Variants in RAP1GAP observed in about 807,000 individuals in gnomAD.
RAP1GAP encodes the protein rap1 GTPase-activating protein 1.
RAP1GAP carries 35 observed loss-of-function variants against 87.2 expected under a neutral mutation model. That is an observed-to-expected ratio of 0.40 (90% confidence interval 0.31 to 0.53). The LOEUF (loss-of-function observed/expected upper bound fraction) is 0.53, where lower values mean the gene tolerates loss of function less well. Among genes scored for constraint, RAP1GAP ranks in the 20% least tolerant of loss-of-function variants. The pLI, the probability that RAP1GAP is intolerant of heterozygous loss-of-function variation, is 0.48. For missense variants in RAP1GAP, 734 were observed against 898.9 expected (o/e 0.82, Z 2.35); for synonymous variants, 375 against 363.9 (o/e 1.03, Z -0.35).
intron 1 of RAP1GAP, among the ~76,000 whole-genome samples, chr1:21,652,067 G>A (rs1216144117): frequency 6.6e-6 from 1 of 151,464 alleles, no homozygotes; most frequent in African/African-American, 2.4e-5. Flanking sequence ...AGCCGGGCGG[G>A]GATTGCGGGG....
chr1:21,651,616 G>A (rs781195387), intron 1 of RAP1GAP: 6 of 741,764 alleles, frequency 8.1e-6, no homozygotes, highest in African/African-American at 1.8e-5. Flanking sequence ...AGGCGCCACA[G>A]CACGACAGCC....
At chr1:21,643,013 AC>A (rs1361642526) in intron 2 of RAP1GAP, among the ~76,000 whole-genome samples, 1 of 151,648 alleles carries the variant, frequency 6.6e-6, no homozygotes, top group African/African-American at 2.4e-5. Flanking sequence ...GATCTCAGCA[AC>A]CCTCACATCT....
Position 21,648,932 on chromosome 1 carries a change from C to T in RAP1GAP, c.-113+829G>A, listed in dbSNP as rs565142375. On this transcript the variant is annotated intron_variant, in intron 2 of 24. Coordinates refer to ENST00000374765, the MANE Select transcript of RAP1GAP (RefSeq NM_002885.4). ...GGGGACGATGGTGCCAGATGGGAGT[C>T]GCCCAGCAGCTGGGGGGTACTGCAG... 5.3e-5 allele frequency among the ~76,000 whole-genome samples: 8 copies of T among 152,262 alleles called. No homozygotes were observed. The East Asian group carries it at 1.5e-3, about 29-fold the overall frequency.
rs1645261085 is a variant in RAP1GAP at position 21,596,473 on chromosome 1, G to T, written c.*826C>A. 6.6e-6 allele frequency: 1 copy of T among 152,404 alleles called. No individual in the cohort carries two copies. The highest frequency in any genetic ancestry group is 1.5e-5 in the Non-Finnish European group (1 of 68,162). 9.4% of individuals were successfully genotyped at this position (152,404 alleles called of 1,614,324 possible). A position where few individuals can be genotyped will look rare whatever the true frequency, so the allele number is the denominator to read the frequency against. ...GAGGGCCCAGCATGGGATGGCAGGG[G>T]TTAAGCTGGGTGCTGGCTGAGGAGC... On this transcript the variant is annotated 3_prime_UTR_variant, in exon 25 of 25. Transcript: ENST00000374765.
In RAP1GAP at chr1:21,622,748, C is replaced by G. The variant is rs1225147247; in HGVS notation, c.-18-2698G>C. Reference sequence around the variant, plus strand: ...TGCGTCGGGCTCCCCGAGGGGGCCCCCCACTCGGTTCTCCCCAGCGCGCCC... The same window carrying G: ...TGCGTCGGGCTCCCCGAGGGGGCCCGCCACTCGGTTCTCCCCAGCGCGCCC... On this transcript the variant is annotated intron_variant, in intron 3 of 24. Transcript: ENST00000374765. This position sits in a 1 kb window ranked among gnomAD's most constrained non-coding sequence, Gnocchi z 5.7. Among the ~76,000 whole-genome samples the G allele has an allele frequency of 1.3e-5, 2 of 151,870 alleles. No individual in the cohort carries two copies. The highest frequency in any genetic ancestry group is 4.8e-5 in the African/African-American group (2 of 41,404).
At chr1:21,625,916 C>T (rs919022456) in intron 3 of RAP1GAP, among the ~76,000 whole-genome samples, 4 of 152,162 alleles carry the variant, frequency 2.6e-5, no homozygotes, top group Non-Finnish European at 5.9e-5. Context: ...CCTGGGCCGC[C>T]CTGTCTGTAC....
chr1:21,603,273 C>T lies in RAP1GAP; in HGVS notation c.1429-360G>A, dbSNP rs2070682373. The T allele has an allele frequency of 5.0e-6, 2 of 396,562 alleles. No individual in the cohort carries two copies. The highest frequency in any genetic ancestry group is 9.0e-5 in the East Asian group (2 of 22,226). The allele number at this position is 396,562 out of a possible 1,614,324, so 24.6% of individuals were successfully genotyped here. ...CAGCCTAAGGGCAGTGGTCAGAGGG[C>T]AGTGTAGCAACCCAAGTCCCACCCC... On this transcript the variant is annotated intron_variant, in intron 18 of 24. Coordinates refer to ENST00000374765, the MANE Select transcript of RAP1GAP (RefSeq NM_002885.4). The surrounding 1 kb of genome is among the most constrained non-coding windows in gnomAD (Gnocchi z 6.0).
chr1:21,612,042 T>A lies in RAP1GAP; in HGVS notation c.596A>T (p.Tyr199Phe), dbSNP rs759618497. The change falls in exon 11 of 25, where the codon TAT becomes TTT. Residue 199 changes from tyrosine to phenylalanine, a missense_variant. Around this residue, in one of 2 missense-constraint regions of RAP1GAP, gnomAD observed 485 missense variants for 646.2 expected, o/e 0.75. Transcript: ENST00000374765. ...TGAGCACACCTGCCCAAGCTTCTGATAAATGACGCCAAACTTGAAGTTATT... is the reference window on the plus strand; with the variant it reads ...TGAGCACACCTGCCCAAGCTTCTGAAAAATGACGCCAAACTTGAAGTTATT... ...ISNNFKFGVI[Y>F]QKLGQTSEEE... 26 of 1,554,446 alleles carry A rather than the reference T, an allele frequency of 1.7e-5. No homozygotes were observed. Among genetic ancestry groups the A allele is most frequent in the Admixed American group, 9.8e-5 (5 of 51,266 alleles).
chr1:21,622,831 AGGGTT>A lies in RAP1GAP; in HGVS notation c.-18-2786_-18-2782del, dbSNP rs1429045044. On this transcript the variant is annotated intron_variant, in intron 3 of 24. Coordinates refer to ENST00000374765, the MANE Select transcript of RAP1GAP (RefSeq NM_002885.4). The surrounding 1 kb of genome is among the most constrained non-coding windows in gnomAD (Gnocchi z 5.7). ...GGTACCCCGCCTCGGCATCAAGGAC[AGGGTT>A]GGGTTACCTTGCAGACAGAGGGCTT... The A allele has an allele frequency of 6.6e-6, 1 of 152,078 alleles. No individual in the cohort carries two copies. The highest frequency in any genetic ancestry group is 1.5e-5 in the Non-Finnish European group (1 of 68,010). The allele number at this position is 152,078 out of a possible 1,614,324, so 9.4% of individuals were successfully genotyped here.
chr1:21,611,920 C>T (rs1002348855), intron 11 of RAP1GAP, 104 bp from the exon 12 acceptor site: 22 of 1,482,088 alleles, frequency 1.5e-5, no homozygotes, highest in African/African-American at 4.2e-5. Context: ...CCTCTGGCAG[C>T]CCCTGGGCTC....
At chr1:21,651,689 A>T in intron 1 of RAP1GAP, 1 of 940,012 alleles carries the variant, frequency 1.1e-6, no homozygotes, top group Non-Finnish European at 1.6e-6. Flanking sequence ...CCACCCGCCC[A>T]AACGCGAGCA....
chr1:21,599,364 C>T, intron 21 of RAP1GAP, 130 bp downstream of exon 21: 1 of 1,362,602 alleles, frequency 7.3e-7, no homozygotes, highest in Non-Finnish European at 9.9e-7. Context: ...CTGCACTGCT[C>T]CTTTGGGCCG....
chr1:21,610,008 T>C (rs2077231229), intron 14 of RAP1GAP, 112 bp downstream of exon 14: 4 of 1,321,244 alleles, frequency 3.0e-6, no homozygotes, highest in Non-Finnish European at 4.1e-6. Context: ...AAGCCTTCCA[T>C]GGTCCCCCCA....
chr1:21,605,071 G>T (rs2073401863), intron 18 of RAP1GAP, among the ~76,000 whole-genome samples: 1 of 151,960 alleles, frequency 6.6e-6, no homozygotes, highest in African/African-American at 2.4e-5. Context: ...ATGGATGGGT[G>T]GCTGGATGGA....
chr1:21,653,597 TC>T (rs1332068997), intron 1 of RAP1GAP, among the ~76,000 whole-genome samples: 33 of 146,136 alleles, frequency 2.3e-4, no homozygotes, highest in Admixed American at 2.0e-3. Context: ...CCTTCCTCCC[TC>T]CCTCCCTCCC....
Position 21,599,571 on chromosome 1 carries a change from G to A in RAP1GAP, c.1699C>T (p.Arg567Cys), listed in dbSNP as rs1251306435. 2.3e-5 allele frequency: 37 copies of A among 1,608,860 alleles called. No homozygotes were observed. Among genetic ancestry groups the A allele is most frequent in the Middle Eastern group, 3.3e-4 (2 of 6,042 alleles). Reference protein sequence around the residue: ...QRAEALKDFSRSSSSASSFAS... With the variant: ...QRAEALKDFSCSSSSASSFAS... ...AAGCTGCTGGCACTGGACGAGGAGC[G>A]GGAGAAGTCCTTGAGCGCCTCTGCT... The change falls in exon 21 of 25, where the codon CGC becomes TGC. Residue 567 changes from arginine (R) to cysteine (C), a missense_variant. Arg to Cys is a radical substitution (Grantham distance 180, BLOSUM62 -3). Transcript: ENST00000374765.
intron 24 of RAP1GAP, 120 bp downstream of exon 24, chr1:21,597,566 A>G: frequency 9.0e-7 from 1 of 1,112,408 alleles, no homozygotes; most frequent in Non-Finnish European, 1.3e-6. Flanking sequence ...CAGGGGGCTC[A>G]AACCCAGATA....
In RAP1GAP at chr1:21,599,475, A is replaced by C. The variant is rs1570393157; in HGVS notation, c.1776+19T>G. On this transcript the variant is annotated intron_variant, in intron 21 of 24. Transcript: ENST00000374765. The stretch of plus-strand genomic sequence containing the variant: ...CTTCCAAGCTCCTGTGGGGCCCCTG[A>C]CCCCCCTGAGCCTCTCACCAGGCCT... 6.3e-7 allele frequency: 1 copy of C among 1,599,332 alleles called. No homozygotes were observed.
In RAP1GAP at chr1:21,603,955, G is replaced by A. The variant is rs1380434122; in HGVS notation, c.1429-1042C>T. On this transcript the variant is annotated intron_variant, in intron 18 of 24. Coordinates refer to ENST00000374765, the MANE Select transcript of RAP1GAP (RefSeq NM_002885.4). The surrounding 1 kb of genome is among the most constrained non-coding windows in gnomAD (Gnocchi z 6.0). The stretch of plus-strand genomic sequence containing the variant: ...GCGGGGGCAGAGAGAGAGAGACAGA[G>A]AGAGAGTCAGAGAGCAAGAGAGATG... The A allele has an allele frequency of 4.3e-6, 6 of 1,382,542 alleles. No homozygotes were observed. The African/African-American group carries it at 5.8e-5, about 13-fold the overall frequency. The allele number at this position is 1,382,542 out of a possible 1,614,324, so 85.6% of individuals were successfully genotyped here.
Sources: allele counts gnomAD v4.1 joint callset (sites outside exome capture counted in the v4.1 genomes callset), GRCh38; gene constraint gnomAD v4.1.1; regional missense constraint gnomAD v4.1.1; non-coding constraint Gnocchi (gnomAD v3.1); transcripts MANE v1.5; gene names NCBI Gene and HGNC (gene_info 2026-07-23, HGNC 2026-07-21).